Variants in EMC10 observed in about 807,000 individuals in gnomAD.
The protein encoded by EMC10 is UPF0510 protein INM02.
In EMC10, 40 loss-of-function variants were observed where a neutral mutation model predicts 32.2. The ratio of observed to expected loss-of-function variants is 1.24; its 90% confidence interval spans 0.96 to 1.61. The LOEUF is 1.61. Ranked by LOEUF, EMC10 falls within the 40% of genes most tolerant of loss-of-function variation. The probability of loss-of-function intolerance (pLI) is 0.00; values close to 1 mark genes in which losing one functional copy is unlikely to be tolerated. For missense variants in EMC10, 402 were observed against 357.7 expected (o/e 1.12, Z -1.00); for synonymous variants, 178 against 158.4 (o/e 1.12, Z -0.93).
Position 50,480,274 on chromosome 19 carries a change from G to A in EMC10, c.402+59G>A, listed in dbSNP as rs999194089. On this transcript the variant is annotated intron_variant, in intron 4 of 6. Coordinates refer to ENST00000334976, the MANE Select transcript of EMC10 (RefSeq NM_206538.4). The surrounding 1 kb of genome is among the most constrained non-coding windows in gnomAD (Gnocchi z 4.4). ...CTCGTCCTCCTCATCCCCTACCCTGGTCCTGCTTCCACCATTCGAACCCCT... is the reference window on the plus strand; with the variant it reads ...CTCGTCCTCCTCATCCCCTACCCTGATCCTGCTTCCACCATTCGAACCCCT... 1 of 1,504,832 alleles carries A rather than the reference G, an allele frequency of 6.6e-7. No individual in the cohort carries two copies. The highest frequency in any genetic ancestry group is 9.1e-7 in the Non-Finnish European group (1 of 1,095,322). 93.2% of individuals were successfully genotyped at this position (1,504,832 alleles called of 1,614,324 possible).
chr19:50,481,224 T>G, intron 6 of EMC10: 2 of 465,982 alleles, frequency 4.3e-6, no homozygotes, highest in Non-Finnish European at 7.6e-6. Flanking sequence ...CTGAGCTAGG[T>G]TGGAGCCATG....
At chr19:50,481,843 C>G in intron 6 of EMC10, 1 of 1,550,878 alleles carries the variant, frequency 6.4e-7, no homozygotes, top group Non-Finnish European at 8.7e-7. Flanking sequence ...CCCTGACCTG[C>G]GCTCCCTCCC....
Position 50,484,792 on chromosome 19 carries a change from C to CTT in EMC10, c.*2535_*2536dup, listed in dbSNP as rs976485189. The CTT allele has an allele frequency of 3.9e-5, 6 of 152,182 alleles. No homozygotes were observed. Among genetic ancestry groups the CTT allele is most frequent in the African/African-American group, 1.4e-4 (6 of 41,420 alleles). 9.4% of individuals were successfully genotyped at this position (152,182 alleles called of 1,614,324 possible). On this transcript the variant is annotated 3_prime_UTR_variant, in exon 7 of 7. Transcript: ENST00000334976. The stretch of plus-strand genomic sequence containing the variant: ...TGCTTCCTGAGCTGTGATTGAATCA[C>CTT]TTTACTCCAGCCTGGGTGACAGAGT...
intron 6 of EMC10, chr19:50,481,876 G>T (rs761982110): frequency 1.9e-6 from 3 of 1,587,714 alleles, no homozygotes; most frequent in South Asian, 1.1e-5. Flanking sequence ...CATCATCCTG[G>T]GGGGGGCCGT....
intron 6 of EMC10, 145 bp from the exon 7 acceptor site, chr19:50,482,004 G>C (rs1286303817): frequency 5.0e-6 from 8 of 1,597,836 alleles, no homozygotes; most frequent in Non-Finnish European, 6.9e-6. Context: ...CTGACCTGTA[G>C]TGACGTAGGG....
rs1399142235 is a variant in EMC10, at chr19:50,484,665, C to G, written c.*2406C>G. ...GGTTATCCAGGGATGAAGTATGAAA[C>G]TCAAAAGATAGAGTAGGTTGGCCAG... On this transcript the variant is annotated 3_prime_UTR_variant, in exon 7 of 7. Coordinates refer to ENST00000334976, the MANE Select transcript of EMC10 (RefSeq NM_206538.4). The G allele has an allele frequency of 6.6e-6, 1 of 151,988 alleles. No homozygotes were observed. The highest frequency in any genetic ancestry group is 1.5e-5 in the Non-Finnish European group (1 of 68,014). 9.4% of individuals were successfully genotyped at this position (151,988 alleles called of 1,614,324 possible).
At position 50,482,603 on chromosome 19, in the gene EMC10, A is replaced by C; in HGVS notation, c.*344A>C. The C allele has an allele frequency of 2.0e-6, 1 of 494,320 alleles. No individual in the cohort carries two copies. The allele number at this position is 494,320 out of a possible 1,614,324, so 30.6% of individuals were successfully genotyped here. On this transcript the variant is annotated 3_prime_UTR_variant, in exon 7 of 7. Coordinates refer to ENST00000334976, the MANE Select transcript of EMC10 (RefSeq NM_206538.4). ...CTACCCCGAGCCCATGCAGTCTGGGAACATGCCGCCTTCTCTCCAGCCTCT... is the reference window on the plus strand; with the variant it reads ...CTACCCCGAGCCCATGCAGTCTGGGCACATGCCGCCTTCTCTCCAGCCTCT...
In EMC10 at chr19:50,484,416, A is replaced by G. The variant is rs2040367441; in HGVS notation, c.*2157A>G. The G allele has an allele frequency of 6.6e-6, 1 of 152,132 alleles. No individual in the cohort carries two copies. Among genetic ancestry groups the G allele is most frequent in the African/African-American group, 2.4e-5 (1 of 41,482 alleles). The allele number at this position is 152,132 out of a possible 1,614,324, so 9.4% of individuals were successfully genotyped here. A position where few individuals can be genotyped will look rare whatever the true frequency, so the allele number is the denominator to read the frequency against. ...TGTCTTCTACCCCGGCACTGGGGGA[A>G]CATCTTATTTTTCCTGGGTTAAACA... On this transcript the variant is annotated 3_prime_UTR_variant, in exon 7 of 7. Transcript: ENST00000334976.
In EMC10 at chr19:50,476,541, C is replaced by G. The variant is rs201542780; in HGVS notation, c.-4C>G. 1.1e-3 allele frequency: 1,763 copies of G among 1,571,912 alleles called. 18 individuals carry two copies. The African/African-American group carries it at 0.022, about 19-fold the overall frequency. Reference sequence around the variant, plus strand: ...CGTCCCTTCGCTGGTGGGAAGAAGCCGAGATGGCGGCAGCCAGCGCTGGGG... The same window carrying G: ...CGTCCCTTCGCTGGTGGGAAGAAGCGGAGATGGCGGCAGCCAGCGCTGGGG... On this transcript the variant is annotated 5_prime_UTR_variant, in exon 1 of 7. Transcript: ENST00000334976.
chr19:50,482,234 GTGGT>G lies in EMC10; in HGVS notation c.765_768del (p.Gly256ValfsTer163). On this transcript the variant is annotated frameshift_variant, in exon 7 of 7. Transcript: ENST00000334976. LOFTEE classifies it high-confidence loss of function. ...GGCCAGGGTGGGGGTGGGGGTGGGG[GTGGT>G]GGTGGGGGTAGTGGCCGGTGAGGGC... 1 of 950,382 alleles carries G rather than the reference GTGGT, an allele frequency of 1.1e-6. No individual in the cohort carries two copies. The highest frequency in any genetic ancestry group is 1.6e-6 in the Non-Finnish European group (1 of 632,776). The allele number at this position is 950,382 out of a possible 1,614,324, so 58.9% of individuals were successfully genotyped here.
rs1489709333 is a variant in EMC10 at position 50,477,011 on chromosome 19, TTAGGGAG to T, written c.114+354_114+360del. ...GGTGGCTCATCTGTCATCCCAACGC[TTAGGGAG>T]GCCGAGGCGGGAGGATTGCTCTAGG... On this transcript the variant is annotated intron_variant, in intron 1 of 6. Coordinates refer to ENST00000334976, the MANE Select transcript of EMC10 (RefSeq NM_206538.4). The T allele has an allele frequency of 2.0e-3, 422 of 210,388 alleles. 2 individuals carry two copies. Among genetic ancestry groups the T allele is most frequent in the African/African-American group, 9.5e-3 (406 of 42,562 alleles). 13.0% of individuals were successfully genotyped at this position (210,388 alleles called of 1,614,324 possible). A position where few individuals can be genotyped will look rare whatever the true frequency, so the allele number is the denominator to read the frequency against.
chr19:50,480,790 C>T lies in EMC10; in HGVS notation c.584+28C>T, dbSNP rs1375207128. On this transcript the variant is annotated intron_variant, in intron 5 of 6. Coordinates refer to ENST00000334976, the MANE Select transcript of EMC10 (RefSeq NM_206538.4). The surrounding 1 kb of genome is among the most constrained non-coding windows in gnomAD (Gnocchi z 4.4). ...GAGCCTCTGCTGCCTTCGCGGCGCTCTTGCCACCTGCCCCGGCCCTTCCTG... is the reference window on the plus strand; with the variant it reads ...GAGCCTCTGCTGCCTTCGCGGCGCTTTTGCCACCTGCCCCGGCCCTTCCTG... 4.5e-6 allele frequency: 7 copies of T among 1,571,500 alleles called. No individual in the cohort carries two copies. Among genetic ancestry groups the T allele is most frequent in the Non-Finnish European group, 6.1e-6 (7 of 1,156,644 alleles).
chr19:50,482,014 G>T (rs2040327782), intron 6 of EMC10, 135 bp from the exon 7 acceptor site: 1 of 1,590,282 alleles, frequency 6.3e-7, no homozygotes, highest in Non-Finnish European at 8.6e-7. Context: ...GTGACGTAGG[G>T]GACCTGGGCG....
In EMC10 at chr19:50,489,167, A is replaced by G. The variant is rs1028623403; in HGVS notation, c.*6908A>G. On this transcript the variant is annotated 3_prime_UTR_variant, in exon 7 of 7. Coordinates refer to ENST00000334976, the MANE Select transcript of EMC10 (RefSeq NM_206538.4). ...GAAGAAGGAAAGGAGAAAGGAAAAA[A>G]TACAAAAAAGGGCAGAGAGAAAAGA... 6.6e-6 allele frequency: 1 copy of G among 152,466 alleles called. No homozygotes were observed. Among genetic ancestry groups the G allele is most frequent in the African/African-American group, 2.4e-5 (1 of 41,400 alleles). The allele number at this position is 152,466 out of a possible 1,614,324, so 9.4% of individuals were successfully genotyped here.
rs771947717 is a variant in EMC10, at chr19:50,478,048, G to T, written c.187+47G>T. 5.3e-6 allele frequency: 8 copies of T among 1,496,914 alleles called. No individual in the cohort carries two copies. In the Admixed American group the frequency reaches 1.5e-4, roughly 28 times the overall value. 92.7% of individuals were successfully genotyped at this position (1,496,914 alleles called of 1,614,324 possible). ...CCTAGACACTTAACATTGGTGCCCT[G>T]AGAAGTCAAGACTTGGAGTCTGGGT... On this transcript the variant is annotated intron_variant, in intron 2 of 6. Transcript: ENST00000334976.
In EMC10 at chr19:50,480,022, A is replaced by AG. The variant is rs769004822; in HGVS notation, c.298-85dup. 1.4e-5 allele frequency: 14 copies of AG among 1,023,294 alleles called. No individual in the cohort carries two copies. Among genetic ancestry groups the AG allele is most frequent in the Non-Finnish European group, 1.7e-5 (12 of 701,708 alleles). The allele number at this position is 1,023,294 out of a possible 1,614,324, so 63.4% of individuals were successfully genotyped here. A position where few individuals can be genotyped will look rare whatever the true frequency, so the allele number is the denominator to read the frequency against. On this transcript the variant is annotated intron_variant, in intron 3 of 6. Transcript: ENST00000334976. The surrounding 1 kb of genome is among the most constrained non-coding windows in gnomAD (Gnocchi z 4.4). ...GGCCGTGAGGTGGGTGGGGCTGGAGAGGGGCCTTCGCGGAGGCCTGGTGGG... is the reference window on the plus strand; with the variant it reads ...GGCCGTGAGGTGGGTGGGGCTGGAGAGGGGGCCTTCGCGGAGGCCTGGTGGG...
rs1444963362 is a variant in EMC10 at position 50,477,922 on chromosome 19, T to C, written c.115-7T>C. 5.6e-6 allele frequency: 9 copies of C among 1,597,038 alleles called. No individual in the cohort carries two copies. Among genetic ancestry groups the C allele is most frequent in the Non-Finnish European group, 6.0e-6 (7 of 1,174,606 alleles). ...TCCTCACCTGGGGCCTTCTGTGTCC[T>C]CTGCAGGCTGGGGCGGAAGGTCGAG... is the stretch of plus-strand genomic sequence containing the variant. On this transcript the variant is annotated splice_polypyrimidine_tract_variant and splice_region_variant and intron_variant, in intron 1 of 6. Transcript: ENST00000334976.
In EMC10 at chr19:50,480,517, G is replaced by A; in HGVS notation, c.403-64G>A. The A allele has an allele frequency of 2.6e-6, 4 of 1,518,838 alleles. No individual in the cohort carries two copies. The highest frequency in any genetic ancestry group is 3.6e-6 in the Non-Finnish European group (4 of 1,126,024). 94.1% of individuals were successfully genotyped at this position (1,518,838 alleles called of 1,614,324 possible). On this transcript the variant is annotated intron_variant, in intron 4 of 6. Transcript: ENST00000334976. The surrounding 1 kb of genome is among the most constrained non-coding windows in gnomAD (Gnocchi z 4.4). The stretch of plus-strand genomic sequence containing the variant: ...CCGGGGGTCCTGTGGTGGGGGCCGG[G>A]GGAGGTTAGGGTGGAGCCCAGGCAG...
Position 50,478,941 on chromosome 19 carries a change from C to T in EMC10, c.188-16C>T. 1 of 1,582,852 alleles carries T rather than the reference C, an allele frequency of 6.3e-7. No homozygotes were observed. The highest frequency in any genetic ancestry group is 8.6e-7 in the Non-Finnish European group (1 of 1,163,836). ...GGGCGGGGGAGGGGGCGTCTCTGAA[C>T]CTGAGCTCCTCACAGATGACAGTGC... On this transcript the variant is annotated splice_polypyrimidine_tract_variant and intron_variant, in intron 2 of 6. Coordinates refer to ENST00000334976, the MANE Select transcript of EMC10 (RefSeq NM_206538.4).
Sources: gnomAD v4.1 joint callset for allele counts on GRCh38, gnomAD v4.1.1 for gene constraint, Gnocchi (gnomAD v3.1) non-coding constraint, MANE v1.5 for transcripts, NCBI Gene and HGNC (gene_info 2026-07-23, HGNC 2026-07-21) for gene names.